The following KLHL33 variants were observed in gnomAD, a reference collection of about 807,000 sequenced individuals.
KLHL33 encodes the protein kelch-like protein 33.
Under a neutral mutation model 60.8 loss-of-function variants are expected in KLHL33, and 46 were observed. The observed-to-expected ratio is 0.76, with a 90% CI of 0.60 to 0.97. The LOEUF (loss-of-function observed/expected upper bound fraction) is 0.97, where lower values mean the gene tolerates loss of function less well. Ranked by LOEUF, KLHL33 falls within the 50% of genes least tolerant of loss-of-function variation. The pLI, the probability that KLHL33 is intolerant of heterozygous loss-of-function variation, is 0.00. For synonymous variants in KLHL33, 434 were observed against 432.2 expected, an observed-to-expected ratio of 1.00 and a Z score of -0.05; for missense variants, 1,055 against 1,000.0, an observed-to-expected ratio of 1.05 and a Z score of -0.74.
rs1880420403 is a variant in KLHL33 at position 20,429,566 on chromosome 14, C to T, written c.1777G>A (p.Gly593Arg). The T allele has an allele frequency of 1.3e-6, 2 of 1,552,108 alleles. No individual in the cohort carries two copies. The highest frequency in any genetic ancestry group is 1.7e-6 in the Non-Finnish European group (2 of 1,147,120). ...TCCAGGGCAACATCATTGTGTCTTC[C>T]ACCCAGGGCATAAAGTTTTCCATCC... is the stretch of plus-strand genomic sequence containing the variant. ...ALDGKLYALG[G>R]RHNDVALDSV... The change falls in exon 4 of 5, where the codon GGA becomes AGA. Residue 593 changes from glycine to arginine, a missense_variant. By Grantham distance (125) the Gly-to-Arg change is moderately radical. Coordinates refer to ENST00000636854, the MANE Select transcript of KLHL33 (RefSeq NM_001365790.2).
chr14:20,434,263 C>T (rs1476832447), intron 2 of KLHL33, among the ~76,000 whole-genome samples: 1 of 152,126 alleles, frequency 6.6e-6, no homozygotes. Flanking sequence ...GTGCCATGGC[C>T]AGGCCGGGTG....
rs1376112672 is a variant in KLHL33, at chr14:20,429,999, C to G, written c.1469G>C (p.Arg490Thr). ...GDGLRPDMAL[R>T]QPSRAVWWAR... ...CCACCACACTGCTCGGGATGGTTGT[C>G]TTAGGGCCATGTCTGGTCTGAGCCC... The change falls in exon 3 of 5, where the codon AGA becomes ACA. Residue 490 changes from arginine (R) to threonine (T), a missense_variant. Transcript: ENST00000636854. The G allele has an allele frequency of 7.1e-6, 11 of 1,551,624 alleles. No individual in the cohort carries two copies. The highest frequency in any genetic ancestry group is 9.6e-6 in the Non-Finnish European group (11 of 1,147,006).
chr14:20,435,385 G>C lies in KLHL33; in HGVS notation c.427C>G (p.Leu143Val). The change falls in exon 2 of 5, where the codon CTG becomes GTG. Residue 143 changes from leucine to valine, a missense_variant. By Grantham distance (32) the Leu-to-Val change is conservative. Transcript: ENST00000636854. Reference protein sequence around the residue: ...AISSLFRDRLLGGGGPRPPFS... With the variant: ...AISSLFRDRLVGGGGPRPPFS... ...GGGGGCCGCGGACCTCCGCCGCCCA[G>C]CAGCCTGTCTCGGAAGAGGCTGCTG... 3.2e-6 allele frequency: 4 copies of C among 1,234,298 alleles called. No individual in the cohort carries two copies. The highest frequency in any genetic ancestry group is 4.0e-6 in the Non-Finnish European group (4 of 988,126). The allele number at this position is 1,234,298 out of a possible 1,614,324, so 76.5% of individuals were successfully genotyped here.
In KLHL33 at chr14:20,435,429, C is replaced by A. The variant is rs544951670; in HGVS notation, c.383G>T (p.Arg128Leu). ...GCTGCTGATTGCGGCCAGGATCACCCGATGCACCCCGTATACCCGCCCCGC... is the reference window on the plus strand; with the variant it reads ...GCTGCTGATTGCGGCCAGGATCACCAGATGCACCCCGTATACCCGCCCCGC... ...SVAGRVYGVH[R>L]VILAAISSLF... is the part of the protein sequence containing the mutation. Residue 128 changes from arginine (R) to leucine (L), a missense_variant, in exon 2 of 5, where the codon CGG (arginine) becomes CTG (leucine). Coordinates refer to ENST00000636854, the MANE Select transcript of KLHL33 (RefSeq NM_001365790.2). The A allele has an allele frequency of 4.1e-6, 5 of 1,234,436 alleles. No homozygotes were observed. Among genetic ancestry groups the A allele is most frequent in the Non-Finnish European group, 5.1e-6 (5 of 988,206 alleles). 76.5% of individuals were successfully genotyped at this position (1,234,436 alleles called of 1,614,324 possible). A position where few individuals can be genotyped will look rare whatever the true frequency, so the allele number is the denominator to read the frequency against.
chr14:20,429,468 C>T, intron 4 of KLHL33, 34 bp downstream of exon 4: 1 of 1,551,444 alleles, frequency 6.4e-7, no homozygotes. Flanking sequence ...TCCAAGTCTC[C>T]TAATCTCTCC....
rs985272081 is a variant in KLHL33, at chr14:20,435,302, C to A, written c.510G>T (p.Glu170Asp). The A allele has an allele frequency of 4.9e-5, 61 of 1,234,316 alleles. No individual in the cohort carries two copies. The Middle Eastern group carries it at 1.6e-3, about 33-fold the overall frequency. 76.5% of individuals were successfully genotyped at this position (1,234,316 alleles called of 1,614,324 possible). A position where few individuals can be genotyped will look rare whatever the true frequency, so the allele number is the denominator to read the frequency against. ...CCTGCGAGGCGGGGCCCAGCACCCCCTCATAGGCAAAGGTCAGCACGGCCT... is the reference window on the plus strand; with the variant it reads ...CCTGCGAGGCGGGGCCCAGCACCCCATCATAGGCAAAGGTCAGCACGGCCT... ...GWEAVLTFAY[E>D]GVLGPASQGD... Residue 170 changes from glutamate (E) to aspartate (D), a missense_variant, in exon 2 of 5, where the codon GAG (glutamate) becomes GAT (aspartate). By Grantham distance (45) the Glu-to-Asp change is conservative. Coordinates refer to ENST00000636854, the MANE Select transcript of KLHL33 (RefSeq NM_001365790.2).
chr14:20,434,073 T>C (rs149910952), intron 2 of KLHL33, among the ~76,000 whole-genome samples: 1 of 152,330 alleles, frequency 6.6e-6, no homozygotes, highest in Non-Finnish European at 1.5e-5. Context: ...TAATGTTCCT[T>C]ATGTGCACCT....
Position 20,429,945 on chromosome 14 carries a change from A to G in KLHL33, c.1523T>C (p.Leu508Pro), listed in dbSNP as rs1414622834. The G allele has an allele frequency of 6.4e-7, 1 of 1,551,704 alleles. No individual in the cohort carries two copies. The highest frequency in any genetic ancestry group is 2.0e-5 in the Admixed American group (1 of 51,010). Residue 508 changes from leucine (L) to proline (P), a missense_variant, in exon 3 of 5, where the codon CTG becomes CCG. Coordinates refer to ENST00000636854, the MANE Select transcript of KLHL33 (RefSeq NM_001365790.2). ...WARAFRCGVG[L>P]VRTVEWGQLP... ...CTGCCCCCACTCAACAGTTCGTACC[A>G]GTCCCACGCCACAGCGGAAGGCCCG...
In KLHL33 at chr14:20,429,194, C is replaced by T. The variant is rs1880399393; in HGVS notation, c.2049G>A (p.Arg683=). Residue 683 remains arginine (R), a synonymous_variant, in exon 5 of 5, where the codon AGG becomes AGA. Transcript: ENST00000636854. ...CACCCAGCCCACCTGCCACATACAA[C>T]CTCCCACCCAATGCAGCCATGACAT... ...AGHVMAALGG[R]LYVAGGLGET... The T allele has an allele frequency of 8.4e-6, 13 of 1,551,656 alleles. No individual in the cohort carries two copies. Among genetic ancestry groups the T allele is most frequent in the Non-Finnish European group, 1.1e-5 (13 of 1,146,982 alleles).
At position 20,428,193 on chromosome 14, in the gene KLHL33, G is replaced by C. The variant is rs899995914; in HGVS notation, c.*656C>G. On this transcript the variant is annotated 3_prime_UTR_variant, in exon 5 of 5. Transcript: ENST00000636854. ...CCTGCCACATGGCCCTGGGGGGCCC[G>C]TCAGGCCTCTCAGGCCCCTGTGCCG... is the stretch of plus-strand genomic sequence containing the variant. The C allele has an allele frequency of 6.6e-6, 1 of 152,374 alleles. No homozygotes were observed. Among genetic ancestry groups the C allele is most frequent in the Non-Finnish European group, 1.5e-5 (1 of 68,170 alleles). The allele number at this position is 152,374 out of a possible 1,614,324, so 9.4% of individuals were successfully genotyped here. A position where few individuals can be genotyped will look rare whatever the true frequency, so the allele number is the denominator to read the frequency against.
intron 2 of KLHL33, among the ~76,000 whole-genome samples, chr14:20,431,089 G>C (rs1251851957): frequency 6.6e-6 from 1 of 152,186 alleles, no homozygotes; most frequent in African/African-American, 2.4e-5. Context: ...CAGGTTGAGA[G>C]GAAAGCATTT....
rs1033558208 is a variant in KLHL33, at chr14:20,429,634, G to A, written c.1709C>T (p.Ala570Val). The A allele has an allele frequency of 4.5e-6, 7 of 1,551,706 alleles. No individual in the cohort carries two copies. The Admixed American group carries it at 5.9e-5, about 13-fold the overall frequency. ...AAGGCTTCGAGCCTGGGACAAAGGA[G>A]CCATCTCCTCCCAGTCCTCTTGACT... ...EPSQEDWEEM[A>V]PLSQARSLFS... The change falls in exon 4 of 5, where the codon GCT becomes GTT. Residue 570 changes from alanine to valine, a missense_variant. Physicochemically the swap from Ala to Val is moderately conservative, Grantham distance 64 (BLOSUM62 0). Transcript: ENST00000636854.
Position 20,435,160 on chromosome 14 carries a change from C to T in KLHL33, c.652G>A (p.Glu218Lys). Residue 218 changes from glutamate to lysine, a missense_variant, in exon 2 of 5, where the codon GAG (glutamate) becomes AAG (lysine). Physicochemically the swap from Glu to Lys is moderately conservative, Grantham distance 56. Transcript: ENST00000636854. ...CCGCGCAGGTTCTCCCTCAGCTCCT[C>T]TGCCTGGCTGGGCTTCTTTACATCT... ...REDVKKPSQA[E>K]ELRENLRGIE... 8.1e-7 allele frequency: 1 copy of T among 1,234,406 alleles called. No individual in the cohort carries two copies. The highest frequency in any genetic ancestry group is 4.2e-5 in the Admixed American group (1 of 23,736). The allele number at this position is 1,234,406 out of a possible 1,614,324, so 76.5% of individuals were successfully genotyped here. A position where few individuals can be genotyped will look rare whatever the true frequency, so the allele number is the denominator to read the frequency against.
rs767134016 is a variant in KLHL33 at position 20,435,783 on chromosome 14, G to A, written c.29C>T (p.Pro10Leu). The change falls in exon 2 of 5, where the codon CCC (proline) becomes CTC (leucine). Residue 10 changes from proline (P) to leucine (L), a missense_variant. Transcript: ENST00000636854. ...ATGAGAGACACTCTCCAGCTCAGGGGGATAATGTGGGGTGTCCGAGACGCT... is the reference window on the plus strand; with the variant it reads ...ATGAGAGACACTCTCCAGCTCAGGGAGATAATGTGGGGTGTCCGAGACGCT... MSVSDTPHY[P>L]PELESVSHPV... is the part of the protein sequence containing the mutation. 52 of 1,234,486 alleles carry A rather than the reference G, an allele frequency of 4.2e-5. No homozygotes were observed. Among genetic ancestry groups the A allele is most frequent in the Non-Finnish European group, 5.2e-5 (51 of 988,382 alleles). 76.5% of individuals were successfully genotyped at this position (1,234,486 alleles called of 1,614,324 possible). A position where few individuals can be genotyped will look rare whatever the true frequency, so the allele number is the denominator to read the frequency against.
rs2139276994 is a variant in KLHL33 at position 20,435,589 on chromosome 14, C to T, written c.223G>A (p.Glu75Lys). 4 of 1,234,830 alleles carry T rather than the reference C, an allele frequency of 3.2e-6. No individual in the cohort carries two copies. The South Asian group carries it at 1.6e-4, about 51-fold the overall frequency. 76.5% of individuals were successfully genotyped at this position (1,234,830 alleles called of 1,614,324 possible). ...TCTTCATCTTCTTCCTCTTCCTCTT[C>T]TTCCTCTAGGGACAAGGCTGGAAAG... Reference protein sequence around the residue: ...LPFPALSLEEEEEEEEDEDAA... With the variant: ...LPFPALSLEEKEEEEEDEDAA... The change falls in exon 2 of 5, where the codon GAA becomes AAA. Residue 75 changes from glutamate to lysine, a missense_variant. Transcript: ENST00000636854.
chr14:20,435,547 A>G lies in KLHL33; in HGVS notation c.265T>C (p.Trp89Arg), dbSNP rs1286340164. 4.0e-6 allele frequency: 5 copies of G among 1,234,588 alleles called. No individual in the cohort carries two copies. The highest frequency in any genetic ancestry group is 4.2e-5 in the Admixed American group (1 of 23,722). The allele number at this position is 1,234,588 out of a possible 1,614,324, so 76.5% of individuals were successfully genotyped here. A position where few individuals can be genotyped will look rare whatever the true frequency, so the allele number is the denominator to read the frequency against. Residue 89 changes from tryptophan to arginine, a missense_variant, in exon 2 of 5, where the codon TGG (tryptophan) becomes CGG (arginine). Coordinates refer to ENST00000636854, the MANE Select transcript of KLHL33 (RefSeq NM_001365790.2). ...CTCGGATGCTCCTCGCTGCGCAGCC[A>G]CTCGGGCTCTGCCGCATCTTCATCT... ...EEDEDAAEPEWLRSEEHPSQF... is the reference protein window; with the variant it reads ...EEDEDAAEPERLRSEEHPSQF...
At position 20,435,436 on chromosome 14, in the gene KLHL33, C is replaced by G; in HGVS notation, c.376G>C (p.Val126Leu). 2.4e-6 allele frequency: 3 copies of G among 1,234,424 alleles called. No homozygotes were observed. Among genetic ancestry groups the G allele is most frequent in the Non-Finnish European group, 3.0e-6 (3 of 988,184 alleles). The allele number at this position is 1,234,424 out of a possible 1,614,324, so 76.5% of individuals were successfully genotyped here. The change falls in exon 2 of 5, where the codon GTG becomes CTG. Residue 126 changes from valine to leucine, a missense_variant. Physicochemically the swap from Val to Leu is conservative, Grantham distance 32. Transcript: ENST00000636854. ...ATTGCGGCCAGGATCACCCGATGCA[C>G]CCCGTATACCCGCCCCGCGACTGAC... ...EVSVAGRVYG[V>L]HRVILAAISS... is the part of the protein sequence containing the mutation.
At position 20,429,568 on chromosome 14, in the gene KLHL33, C is replaced by T. The variant is rs1312557474; in HGVS notation, c.1775G>A (p.Gly592Asp). Residue 592 changes from glycine to aspartate, a missense_variant, in exon 4 of 5, where the codon GGT (glycine) becomes GAT (aspartate). Transcript: ENST00000636854. ...VALDGKLYAL[G>D]GRHNDVALDS... ...CAGGGCAACATCATTGTGTCTTCCA[C>T]CCAGGGCATAAAGTTTTCCATCCAG... 2.1e-5 allele frequency: 33 copies of T among 1,552,130 alleles called. No individual in the cohort carries two copies. The East Asian group carries it at 4.9e-4, about 23-fold the overall frequency.
intron 2 of KLHL33, among the ~76,000 whole-genome samples, chr14:20,431,974 T>A (rs151304672): frequency 6.6e-6 from 1 of 152,348 alleles, no homozygotes; most frequent in East Asian, 1.9e-4. Flanking sequence ...CACTTATGGA[T>A]TATTCTGGCC....
Sources: gnomAD v4.1 joint callset for allele counts (sites outside exome capture counted in the v4.1 genomes callset) on GRCh38, gnomAD v4.1.1 for gene constraint, MANE v1.5 for transcripts, NCBI Gene and HGNC (gene_info 2026-07-23, HGNC 2026-07-21) for gene names.